ADAMTS2: variants seen among roughly 807,000 people sequenced by gnomAD.
ADAMTS2 encodes ADAM metallopeptidase with thrombospondin type 1 motif 2.
A neutral mutation model predicts 123.0 loss-of-function variants in ADAMTS2; 50 were observed. The ratio of observed to expected loss-of-function variants is 0.41; its 90% CI spans 0.32 to 0.51. The LOEUF is 0.51. Among genes scored for constraint, ADAMTS2 ranks in the 20% least tolerant of loss-of-function variants. ADAMTS2 has a pLI of 0.35. For missense variants in ADAMTS2, 1,494 were observed against 1,705.2 expected, an observed-to-expected ratio of 0.88 and a Z score of 2.18; for synonymous variants, 678 against 695.4, an observed-to-expected ratio of 0.98 and a Z score of 0.39.
Position 179,132,155 on chromosome 5 carries a change from C to A in ADAMTS2, c.2290+75G>T, listed in dbSNP as rs1367836560. 6.8e-7 allele frequency: 1 copy of A among 1,468,708 alleles called. No individual in the cohort carries two copies. Among genetic ancestry groups the A allele is most frequent in the Non-Finnish European group, 9.5e-7 (1 of 1,055,162 alleles). 91.0% of individuals were successfully genotyped at this position (1,468,708 alleles called of 1,614,324 possible). A position where few individuals can be genotyped will look rare whatever the true frequency, so the allele number is the denominator to read the frequency against. ...CACAACCCGGGCCCCTGACCCCTGA[C>A]CCCTGGCACTCTGCCCATTGATCCC... On this transcript the variant is annotated intron_variant, in intron 15 of 21. Transcript: ENST00000251582. This position sits in a 1 kb window ranked among gnomAD's most constrained non-coding sequence, Gnocchi z 6.1.
In ADAMTS2 at chr5:179,256,939, G is replaced by C. The variant is rs140971127; in HGVS notation, c.688+15972C>G. Among the ~76,000 whole-genome samples, 1 of 152,266 alleles carries C rather than the reference G, an allele frequency of 6.6e-6. No homozygotes were observed. The highest frequency in any genetic ancestry group is 1.5e-5 in the Non-Finnish European group (1 of 68,044). ...CCAGCACCCCGATGTACATACAGACGAGAAGACTGAGGTCAGGCCAGAGCA... is the reference window on the plus strand; with the variant it reads ...CCAGCACCCCGATGTACATACAGACCAGAAGACTGAGGTCAGGCCAGAGCA... On this transcript the variant is annotated intron_variant, in intron 3 of 21. Transcript: ENST00000251582. The surrounding 1 kb of genome is among the most constrained non-coding windows in gnomAD (Gnocchi z 4.1).
chr5:179,329,152 C>T (rs536934387), intron 2 of ADAMTS2, among the ~76,000 whole-genome samples: 293 of 152,064 alleles, frequency 1.9e-3, no homozygotes, highest in Middle Eastern at 3.4e-3. Flanking sequence ...ACGGTGAAAC[C>T]CCGTCTCTAC....
rs1369547167 is a variant in ADAMTS2, at chr5:179,170,196, CAT to C, written c.975+10874_975+10875del. Among the ~76,000 whole-genome samples the C allele has an allele frequency of 2.6e-5, 4 of 152,174 alleles. No individual in the cohort carries two copies. In the East Asian group the frequency reaches 7.7e-4, roughly 29 times the overall value. On this transcript the variant is annotated intron_variant, in intron 5 of 21. Coordinates refer to ENST00000251582, the MANE Select transcript of ADAMTS2 (RefSeq NM_014244.5). This position sits in a 1 kb window ranked among gnomAD's most constrained non-coding sequence, Gnocchi z 4.3. ...GGCTTCTCATAAGCTAGAAGACAAA[CAT>C]GTCACTCAAACAAGTGCTACCAATT...
At chr5:179,133,961 C>T (rs1763009689) in intron 13 of ADAMTS2, among the ~76,000 whole-genome samples, 1 of 152,032 alleles carries the variant, frequency 6.6e-6, no homozygotes, top group South Asian at 2.1e-4. Context: ...ATCTGCCCGC[C>T]TCGGCCTCCC....
chr5:179,169,974 T>C (rs926639384), intron 5 of ADAMTS2, among the ~76,000 whole-genome samples: 1 of 152,232 alleles, frequency 6.6e-6, no homozygotes, highest in Non-Finnish European at 1.5e-5. Context: ...ATATTTAAAA[T>C]GAGAACAGTT....
intron 2 of ADAMTS2, 117 bp from the exon 3 acceptor site, chr5:179,273,181 A>G: frequency 6.8e-7 from 1 of 1,477,232 alleles, no homozygotes; most frequent in Admixed American, 1.7e-5. Flanking sequence ...CCAGCACCCC[A>G]GCTGGTGCTC....
chr5:179,217,892 G>A (rs1177590181), intron 3 of ADAMTS2, among the ~76,000 whole-genome samples: 1 of 58,390 alleles, frequency 1.7e-5, no homozygotes, highest in Non-Finnish European at 3.7e-5. Context: ...ACACTCACTA[G>A]GTAGGGGATG....
chr5:179,287,339 G>C (rs1756049126), intron 2 of ADAMTS2, among the ~76,000 whole-genome samples: 1 of 152,224 alleles, frequency 6.6e-6, no homozygotes, highest in Non-Finnish European at 1.5e-5. Context: ...GGGGCAGTGA[G>C]TGCAGGCGCA....
At chr5:179,210,842 T>C (rs1449475328) in intron 3 of ADAMTS2, among the ~76,000 whole-genome samples, 1 of 152,176 alleles carries the variant, frequency 6.6e-6, no homozygotes, top group African/African-American at 2.4e-5. Context: ...CCACCTCAGT[T>C]TTCCCCACAA....
chr5:179,225,418 C>T lies in ADAMTS2; in HGVS notation c.689-17703G>A, dbSNP rs779763724. ...TCCCTGGCTAAGGGCTCCACCCTCA[C>T]GGACCTATGTGAGGACAGGCACTCT... On this transcript the variant is annotated intron_variant, in intron 3 of 21. Coordinates refer to ENST00000251582, the MANE Select transcript of ADAMTS2 (RefSeq NM_014244.5). This position sits in a 1 kb window ranked among gnomAD's most constrained non-coding sequence, Gnocchi z 4.5. Among the ~76,000 whole-genome samples, 3 of 152,196 alleles carry T rather than the reference C, an allele frequency of 2.0e-5. No individual in the cohort carries two copies. Among genetic ancestry groups the T allele is most frequent in the South Asian group, 2.1e-4 (1 of 4,832 alleles).
In ADAMTS2 at chr5:179,257,562, C is replaced by T. The variant is rs114614511; in HGVS notation, c.688+15349G>A. 3.5e-3 allele frequency among the ~76,000 whole-genome samples: 530 copies of T among 152,358 alleles called. 7 individuals carry two copies. Among genetic ancestry groups the T allele is most frequent in the African/African-American group, 0.012 (503 of 41,592 alleles). On this transcript the variant is annotated intron_variant, in intron 3 of 21. Transcript: ENST00000251582. ...CTGGGCTGGGGCCCTGCGCCCTCCC[C>T]GCTGCTGGCTCCCGCTGATGCGCTA...
At position 179,312,983 on chromosome 5, in the gene ADAMTS2, G is replaced by A. The variant is rs1224915722; in HGVS notation, c.534+30784C>T. On this transcript the variant is annotated intron_variant, in intron 2 of 21. Transcript: ENST00000251582. The surrounding 1 kb of genome is among the most constrained non-coding windows in gnomAD (Gnocchi z 4.2). ...AAGTGGTGAGAGAATTATGGTAGAA[G>A]AATGGGGCTGGGAGGGGCAGCAGTG... 6.6e-6 allele frequency among the ~76,000 whole-genome samples: 1 copy of A among 152,254 alleles called. No homozygotes were observed.
intron 2 of ADAMTS2, among the ~76,000 whole-genome samples, chr5:179,273,854 T>C (rs557004297): frequency 6.6e-6 from 1 of 152,172 alleles, no homozygotes; most frequent in Admixed American, 6.5e-5. Flanking sequence ...GGCTGCTCTA[T>C]ATGCTGGCAT....
Position 179,260,761 on chromosome 5 carries a change from G to A in ADAMTS2, c.688+12150C>T, listed in dbSNP as rs544178902. Among the ~76,000 whole-genome samples, 3 of 152,338 alleles carry A rather than the reference G, an allele frequency of 2.0e-5. No individual in the cohort carries two copies. The highest frequency in any genetic ancestry group is 6.5e-5 in the Admixed American group (1 of 15,304). On this transcript the variant is annotated intron_variant, in intron 3 of 21. Transcript: ENST00000251582. The surrounding 1 kb of genome is among the most constrained non-coding windows in gnomAD (Gnocchi z 4.2). ...GTGGGGCTCATTACAAGAATCCTAG[G>A]AGATGATGTACCTGCAGCGTGCTGG...
intron 3 of ADAMTS2, among the ~76,000 whole-genome samples, chr5:179,236,295 G>A (rs555591250): frequency 6.6e-6 from 1 of 152,282 alleles, no homozygotes; most frequent in African/African-American, 2.4e-5. Flanking sequence ...CTTGTCTTCA[G>A]GTGCTTGGGG....
chr5:179,151,890 C>T (rs1023429808), intron 10 of ADAMTS2, among the ~76,000 whole-genome samples: 2 of 152,166 alleles, frequency 1.3e-5, no homozygotes, highest in African/African-American at 4.8e-5. Context: ...AAGGGGGATT[C>T]CTGAGTGGGG....
chr5:179,208,198 G>A (rs181417008), intron 3 of ADAMTS2, among the ~76,000 whole-genome samples: 276 of 44,602 alleles, frequency 6.2e-3, no homozygotes, highest in South Asian at 0.038. Flanking sequence ...CTTCTCCCCC[G>A]AAGGGCTGCC....
chr5:179,207,863 C>G, intron 3 of ADAMTS2, 148 bp from the exon 4 acceptor site: 1 of 763,804 alleles, frequency 1.3e-6, no homozygotes, highest in Admixed American at 2.0e-5. Context: ...AAGCGAGGTG[C>G]AGAGGAAGAT....
At chr5:179,141,069 C>CCACCA (rs1763159531) in intron 10 of ADAMTS2, among the ~76,000 whole-genome samples, 1 of 152,030 alleles carries the variant, frequency 6.6e-6, no homozygotes. Flanking sequence ...CCTGCCTCAG[C>CCACCA]CTTCCAAAGT....
Sources: gnomAD v4.1 joint callset for allele counts (sites outside exome capture counted in the v4.1 genomes callset) on GRCh38, gnomAD v4.1.1 for gene constraint, Gnocchi (gnomAD v3.1) non-coding constraint, MANE v1.5 for transcripts, NCBI Gene and HGNC (gene_info 2026-07-23, HGNC 2026-07-21) for gene names.